PRKN: variants seen among roughly 807,000 people sequenced by gnomAD.
PRKN encodes the protein parkin RBR E3 ubiquitin protein ligase.
Under a neutral mutation model 59.5 loss-of-function variants are expected in PRKN, and 56 were observed. The observed-to-expected ratio is 0.94, with a 90% CI of 0.76 to 1.18. The LOEUF (loss-of-function observed/expected upper bound fraction) is 1.18, where lower values mean the gene tolerates loss of function less well. PRKN is among the 50% of genes most tolerant of loss of function. PRKN has a pLI of 0.00. For synonymous variants in PRKN, 250 were observed against 222.1 expected (o/e 1.13, Z -1.12); for missense variants, 657 against 596.4 (o/e 1.10, Z -1.06).
rs1562452800 is a variant in PRKN at position 161,442,850 on chromosome 6, A to G, written c.1084-55973T>C. ...ATCGTAACAACTAAACATAACATTT[A>G]TATCACTATCTGTCAGCAGTTTAAC... On this transcript the variant is annotated intron_variant, in intron 9 of 11. Transcript: ENST00000366898. This position sits in a 1 kb window ranked among gnomAD's most constrained non-coding sequence, Gnocchi z 4.6. Among the ~76,000 whole-genome samples the G allele has an allele frequency of 6.6e-6, 1 of 152,176 alleles. No individual in the cohort carries two copies. Among genetic ancestry groups the G allele is most frequent in the Non-Finnish European group, 1.5e-5 (1 of 68,036 alleles).
At chr6:161,364,664 AG>A (rs1163536447) in intron 10 of PRKN, among the ~76,000 whole-genome samples, 2 of 151,826 alleles carry the variant, frequency 1.3e-5, no homozygotes, top group African/African-American at 4.8e-5. Context: ...AAATCCAAGT[AG>A]GCTGTGTGTG....
chr6:162,697,759 C>T (rs979577889), intron 1 of PRKN, among the ~76,000 whole-genome samples: 1 of 152,168 alleles, frequency 6.6e-6, no homozygotes, highest in Non-Finnish European at 1.5e-5. Flanking sequence ...ACCATTTTTA[C>T]ATTATCAATA....
intron 9 of PRKN, among the ~76,000 whole-genome samples, chr6:161,519,686 G>T (rs1338358092): frequency 6.6e-6 from 1 of 152,158 alleles, no homozygotes; most frequent in African/African-American, 2.4e-5. Flanking sequence ...TTTACATAAG[G>T]TTAGTCCTTA....
intron 4 of PRKN, among the ~76,000 whole-genome samples, chr6:162,173,597 G>A (rs1583150020): frequency 6.6e-6 from 1 of 151,692 alleles, no homozygotes; most frequent in Non-Finnish European, 1.5e-5. Context: ...TGGCCTCAGG[G>A]AGAATCTGGC....
chr6:162,561,057 G>A (rs1041243846), intron 1 of PRKN, among the ~76,000 whole-genome samples: 4 of 152,138 alleles, frequency 2.6e-5, no homozygotes, highest in Admixed American at 1.3e-4. Flanking sequence ...CAGCCTAGGC[G>A]ATCAAAGGAG....
At chr6:161,886,567 G>T (rs541744774) in intron 6 of PRKN, among the ~76,000 whole-genome samples, 16 of 151,954 alleles carry the variant, frequency 1.1e-4, no homozygotes, top group Admixed American at 2.0e-4. Flanking sequence ...ATGGTGGCAC[G>T]TGCCTATAAT....
Position 161,497,490 on chromosome 6 carries a change from T to C in PRKN, c.1083+51364A>G, listed in dbSNP as rs1450746032. ...GATATTACTCCTTTTTAAAACTCTG[T>C]ATTCCCATTGAAAAGAGTCAAGGGT... On this transcript the variant is annotated intron_variant, in intron 9 of 11. Coordinates refer to ENST00000366898, the MANE Select transcript of PRKN (RefSeq NM_004562.3). The surrounding 1 kb of genome is among the most constrained non-coding windows in gnomAD (Gnocchi z 4.6). Among the ~76,000 whole-genome samples, 3 of 152,184 alleles carry C rather than the reference T, an allele frequency of 2.0e-5. No homozygotes were observed. Among genetic ancestry groups the C allele is most frequent in the African/African-American group, 4.8e-5 (2 of 41,448 alleles).
chr6:161,881,017 A>G (rs748265015), intron 6 of PRKN, among the ~76,000 whole-genome samples: 7 of 152,318 alleles, frequency 4.6e-5, no homozygotes, highest in Non-Finnish European at 8.8e-5. Context: ...AGTTAAAGAC[A>G]TATTTTCATG....
chr6:162,479,545 T>C (rs1792190322), intron 1 of PRKN, among the ~76,000 whole-genome samples: 1 of 152,124 alleles, frequency 6.6e-6, no homozygotes, highest in Admixed American at 6.6e-5. Context: ...TAAAACATTT[T>C]TGTTAAAAAG....
intron 6 of PRKN, among the ~76,000 whole-genome samples, chr6:161,858,857 A>ATTTTTTTTTTTTTTTTTTT (rs1491531194): frequency 3.6e-5 from 2 of 55,960 alleles, no homozygotes; most frequent in African/African-American, 5.8e-5. Context: ...GCACAGCTGT[A>ATTTTTTTTTTTTTTTTTTT]CTTTTTTTTT....
chr6:161,478,513 T>C (rs10945752), intron 9 of PRKN, among the ~76,000 whole-genome samples: 30,943 of 152,012 alleles, frequency 0.2, 3,625 homozygotes, highest in African/African-American at 0.33. Context: ...CATTTAACTC[T>C]CAAAATAGCT....
At chr6:161,649,121 T>C (rs556602730) in intron 7 of PRKN, among the ~76,000 whole-genome samples, 1 of 152,344 alleles carries the variant, frequency 6.6e-6, no homozygotes, top group Non-Finnish European at 1.5e-5. Flanking sequence ...AAATCAGTTC[T>C]AACCAGAGAA....
intron 1 of PRKN, among the ~76,000 whole-genome samples, chr6:162,460,383 G>C (rs1791095298): frequency 6.6e-6 from 1 of 152,194 alleles, no homozygotes; most frequent in Non-Finnish European, 1.5e-5. Flanking sequence ...GGAGAAACAG[G>C]AGTTACTGCT....
chr6:161,563,530 C>A (rs911355234), intron 8 of PRKN, among the ~76,000 whole-genome samples: 1 of 151,986 alleles, frequency 6.6e-6, no homozygotes, highest in Non-Finnish European at 1.5e-5. Flanking sequence ...AGAATTTGGA[C>A]TAGGGGGAAG....
At chr6:162,091,497 C>A (rs1436117957) in intron 4 of PRKN, among the ~76,000 whole-genome samples, 1 of 152,132 alleles carries the variant, frequency 6.6e-6, no homozygotes, top group East Asian at 1.9e-4. Context: ...GGATTGCGAT[C>A]CCATTATGCA....
At chr6:161,731,517 T>C (rs1039730659) in intron 7 of PRKN, among the ~76,000 whole-genome samples, 1 of 152,258 alleles carries the variant, frequency 6.6e-6, no homozygotes, top group African/African-American at 2.4e-5. Context: ...AGTAAAAGTA[T>C]GTATTTTGAG....
chr6:162,528,522 TCTC>T (rs35094211), intron 1 of PRKN, among the ~76,000 whole-genome samples: 53,129 of 151,834 alleles, frequency 0.35, 11,079 homozygotes, highest in Middle Eastern at 0.51. Flanking sequence ...TATTTTAACT[TCTC>T]CTTGAAGGTT....
chr6:161,665,250 A>AT (rs147039435), intron 7 of PRKN, among the ~76,000 whole-genome samples: 1 of 152,034 alleles, frequency 6.6e-6, no homozygotes, highest in East Asian at 1.9e-4. Flanking sequence ...GGATATGGCT[A>AT]TTTTTTTCTG....
chr6:161,761,706 G>A (rs988235538), intron 7 of PRKN, among the ~76,000 whole-genome samples: 1 of 152,112 alleles, frequency 6.6e-6, no homozygotes, highest in African/African-American at 2.4e-5. Flanking sequence ...AGAAAACAGA[G>A]GTACCAACTT....
Sources: allele counts gnomAD v4.1 joint callset (sites outside exome capture counted in the v4.1 genomes callset), GRCh38; gene constraint gnomAD v4.1.1; non-coding constraint Gnocchi (gnomAD v3.1); transcripts MANE v1.5; gene names NCBI Gene and HGNC (gene_info 2026-07-23, HGNC 2026-07-21).